ERLIN1: variants seen among roughly 807,000 people sequenced by gnomAD.
The protein encoded by ERLIN1 is erlin-1.
In ERLIN1, 24 loss-of-function variants were observed where a neutral mutation model predicts 46.9. The ratio of observed to expected loss-of-function variants is 0.51; its 90% CI spans 0.37 to 0.72. ERLIN1 has a LOEUF of 0.72. Ranked by LOEUF, ERLIN1 falls within the 30% of genes least tolerant of loss-of-function variation. The pLI is 0.00. For synonymous variants in ERLIN1, 158 were observed against 143.2 expected (o/e 1.10, Z -0.74); for missense variants, 293 against 417.9 (o/e 0.70, Z 2.61).
chr10:100,162,452 T>C (rs1374871596), intron 8 of ERLIN1, among the ~76,000 whole-genome samples: 3 of 152,200 alleles, frequency 2.0e-5, no homozygotes, highest in East Asian at 3.9e-4. Context: ...ATATCAAATA[T>C]TGTTGAAGAG....
intron 1 of ERLIN1, among the ~76,000 whole-genome samples, chr10:100,185,231 G>A (rs527281440): frequency 6.6e-6 from 1 of 152,312 alleles, no homozygotes; most frequent in African/African-American, 2.4e-5. Flanking sequence ...GAGGTAGAGT[G>A]ACTACTTCCT....
chr10:100,177,691 C>T (rs1844391228), intron 4 of ERLIN1, among the ~76,000 whole-genome samples: 1 of 152,156 alleles, frequency 6.6e-6, no homozygotes, highest in African/African-American at 2.4e-5. Context: ...AGGTTTTCAT[C>T]TTTTATCAAG....
chr10:100,183,851 T>C lies in ERLIN1; in HGVS notation c.114-14A>G, dbSNP rs1844804065. On this transcript the variant is annotated splice_polypyrimidine_tract_variant and intron_variant, in intron 1 of 10. Transcript: ENST00000421367. ...AAAGCTCCTCCCCTGCAAAAAGATG[T>C]TTCAATTTGACAAAATTATAAAAAG... 1 of 1,590,776 alleles carries C rather than the reference T, an allele frequency of 6.3e-7. No individual in the cohort carries two copies. Among genetic ancestry groups the C allele is most frequent in the Non-Finnish European group, 8.6e-7 (1 of 1,162,458 alleles).
Position 100,156,427 on chromosome 10 carries a change from C to T in ERLIN1, c.656-193G>A, listed in dbSNP as rs1212007074. Among the ~76,000 whole-genome samples, 3 of 152,062 alleles carry T rather than the reference C, an allele frequency of 2.0e-5. 1 individual carries two copies. Among genetic ancestry groups the T allele is most frequent in the Admixed American group, 2.0e-4 (3 of 15,278 alleles). On this transcript the variant is annotated intron_variant, in intron 8 of 10. Transcript: ENST00000421367. ...GGAATTTATTTCCTAATTTACTGTTCTATTTTGACAGTGCTAGTTTTGTGG... is the reference window on the plus strand; with the variant it reads ...GGAATTTATTTCCTAATTTACTGTTTTATTTTGACAGTGCTAGTTTTGTGG...
At chr10:100,172,131 T>C (rs894673212) in intron 6 of ERLIN1, among the ~76,000 whole-genome samples, 10 of 152,162 alleles carry the variant, frequency 6.6e-5, no homozygotes, top group African/African-American at 2.2e-4. Flanking sequence ...ATGCATACAG[T>C]AGTAAAAAAT....
At chr10:100,152,701 TTC>T (rs1275737271) in intron 10 of ERLIN1, among the ~76,000 whole-genome samples, 1 of 152,228 alleles carries the variant, frequency 6.6e-6, no homozygotes, top group African/African-American at 2.4e-5. Context: ...GGTCTGGAGT[TTC>T]TGTTGATTCT....
At chr10:100,176,624 A>G (rs2134165145) in intron 4 of ERLIN1, among the ~76,000 whole-genome samples, 1 of 152,348 alleles carries the variant, frequency 6.6e-6, no homozygotes, top group Non-Finnish European at 1.5e-5. Context: ...ATATCAGGTA[A>G]TTTACATAAA....
At chr10:100,169,568 A>G (rs1297747126) in intron 6 of ERLIN1, among the ~76,000 whole-genome samples, 1 of 152,078 alleles carries the variant, frequency 6.6e-6, no homozygotes, top group Admixed American at 6.5e-5. Context: ...CAGTGAATTC[A>G]AGTTGTAGAT....
chr10:100,180,454 G>C (rs996169730), intron 2 of ERLIN1, among the ~76,000 whole-genome samples: 1 of 152,094 alleles, frequency 6.6e-6, no homozygotes, highest in African/African-American at 2.4e-5. Context: ...ATTACAGAAA[G>C]TGAAAAAAAT....
intron 9 of ERLIN1, among the ~76,000 whole-genome samples, chr10:100,155,574 G>A (rs1349283921): frequency 6.6e-6 from 1 of 151,808 alleles, no homozygotes; most frequent in Non-Finnish European, 1.5e-5. Flanking sequence ...GAGTGCAGTG[G>A]CGGGATCTCG....
At chr10:100,168,192 G>A (rs1843754876) in intron 6 of ERLIN1, among the ~76,000 whole-genome samples, 1 of 152,108 alleles carries the variant, frequency 6.6e-6, no homozygotes. Context: ...CACCTATACT[G>A]CAAACACACA....
intron 6 of ERLIN1, among the ~76,000 whole-genome samples, chr10:100,172,211 T>G (rs1159316677): frequency 2.0e-5 from 3 of 152,256 alleles, no homozygotes; most frequent in Non-Finnish European, 4.4e-5. Context: ...ATTTTTGTTT[T>G]GGAAAGATGT....
chr10:100,165,524 C>T (rs7902279), intron 7 of ERLIN1, among the ~76,000 whole-genome samples: 7,469 of 150,708 alleles, frequency 0.05, 603 homozygotes, highest in African/African-American at 0.17. Context: ...GTAGCTGGGA[C>T]TACAGGCGCC....
rs772462235 is a variant in ERLIN1, at chr10:100,167,371, G to A, written c.540C>T (p.Ala180=). 17 of 1,613,298 alleles carry A rather than the reference G, an allele frequency of 1.1e-5. No homozygotes were observed. Among genetic ancestry groups the A allele is most frequent in the Non-Finnish European group, 1.4e-5 (16 of 1,179,602 alleles). The part of the protein sequence containing the change: ...VRVTKPKIPE[A]IRRNFELMEA... ...ACATTAACTCAAAATTTCTTCTTAT[G>A]GCTTCTGGGATTTTGGGTTTTGTAA... The change falls in exon 7 of 11, where the codon GCC becomes GCT. Residue 180 remains alanine (A), a synonymous_variant. Coordinates refer to ENST00000421367, the MANE Select transcript of ERLIN1 (RefSeq NM_006459.4).
intron 3 of ERLIN1, 68 bp from the exon 4 acceptor site, chr10:100,178,262 G>T: frequency 1.0e-6 from 1 of 963,268 alleles, no homozygotes; most frequent in Non-Finnish European, 1.6e-6. Context: ...AGATAGACCT[G>T]GGGAGAAGCT....
chr10:100,181,352 C>T (rs1844631943), intron 2 of ERLIN1, among the ~76,000 whole-genome samples: 1 of 152,052 alleles, frequency 6.6e-6, no homozygotes, highest in African/African-American at 2.4e-5. Context: ...TATAATTTCT[C>T]CATTGCTTTT....
At chr10:100,181,145 A>G (rs1229045272) in intron 2 of ERLIN1, among the ~76,000 whole-genome samples, 1 of 152,236 alleles carries the variant, frequency 6.6e-6, no homozygotes, top group Non-Finnish European at 1.5e-5. Context: ...ATTTAAACCA[A>G]AAGGATATTC....
In ERLIN1 at chr10:100,185,602, G is replaced by A. The variant is rs1245773144; in HGVS notation, c.25C>T (p.Leu9=). 1.2e-6 allele frequency: 2 copies of A among 1,614,016 alleles called. No individual in the cohort carries two copies. The highest frequency in any genetic ancestry group is 1.7e-6 in the Non-Finnish European group (2 of 1,179,868). Reference sequence around the variant, plus strand: ...ACCAACCCCACCACTGCAGCCACCAGAACCCGGGCTTGAGTCATATTCATT... The same window carrying A: ...ACCAACCCCACCACTGCAGCCACCAAAACCCGGGCTTGAGTCATATTCATT... MNMTQARV[L]VAAVVGLVAV... is the part of the protein sequence containing the mutation. Residue 9 remains leucine, a synonymous_variant, in exon 1 of 11, where the codon CTG becomes TTG. Transcript: ENST00000421367.
intron 6 of ERLIN1, among the ~76,000 whole-genome samples, chr10:100,173,381 G>C (rs927072146): frequency 1.3e-5 from 2 of 152,060 alleles, no homozygotes; most frequent in African/African-American, 4.8e-5. Context: ...ATTTTGCACT[G>C]ACGTCCAATA....
Sources: gnomAD v4.1 joint callset for allele counts (sites outside exome capture counted in the v4.1 genomes callset) on GRCh38, gnomAD v4.1.1 for gene constraint, MANE v1.5 for transcripts, NCBI Gene and HGNC (gene_info 2026-07-23, HGNC 2026-07-21) for gene names.